The following MSR1 variants were observed in gnomAD, a reference collection of about 807,000 sequenced individuals.
The protein encoded by MSR1 is macrophage scavenger receptor 1, also known as macrophage scavenger receptor types I and II.
In MSR1, 53 loss-of-function variants were observed where a neutral mutation model predicts 47.2. The ratio of observed to expected loss-of-function variants is 1.12; its 90% confidence interval spans 0.90 to 1.41. The LOEUF (loss-of-function observed/expected upper bound fraction) is 1.41. Among genes scored for constraint, MSR1 ranks in the 40% most tolerant of loss-of-function variants. The pLI is 0.00. For missense variants in MSR1, 786 were observed against 546.9 expected (o/e 1.44, Z -4.36); for synonymous variants, 239 against 185.6 (o/e 1.29, Z -2.34).
At chr8:16,133,112 A>C (rs1258970421) in intron 8 of MSR1, among the ~76,000 whole-genome samples, 1 of 152,112 alleles carries the variant, frequency 6.6e-6, no homozygotes, top group African/African-American at 2.4e-5. Flanking sequence ...ATATGGGGAG[A>C]TTAAAACAGT....
chr8:16,153,769 G>C (rs931115383), intron 6 of MSR1, among the ~76,000 whole-genome samples: 1 of 151,970 alleles, frequency 6.6e-6, no homozygotes, highest in South Asian at 2.1e-4. Context: ...ATTGCAGCCT[G>C]TATGGAGGGG....
At chr8:16,131,453 T>G (rs1023550632) in intron 8 of MSR1, among the ~76,000 whole-genome samples, 22 of 148,236 alleles carry the variant, frequency 1.5e-4, no homozygotes, top group African/African-American at 5.2e-4. Context: ...TTTTTTTTTT[T>G]TTTTTTTTTT....
chr8:16,141,098 G>C (rs1308222798), intron 8 of MSR1: 2 of 1,601,582 alleles, frequency 1.2e-6, no homozygotes, highest in African/African-American at 1.3e-5. Context: ...TTTTCAGAAA[G>C]CCTTACAAAA....
chr8:16,140,261 A>C (rs4449796), intron 8 of MSR1: 1 of 983,556 alleles, frequency 1.0e-6, no homozygotes, highest in East Asian at 1.1e-4. Context: ...GTGCAATAGA[A>C]CAAGGCTCTG....
rs143937853 is a variant in MSR1, at chr8:16,139,853, A to G, written c.1033+3705T>C. 5.2e-3 allele frequency: 1,929 copies of G among 374,422 alleles called. 70 individuals are homozygous for G. The highest frequency in any genetic ancestry group is 0.048 in the African/African-American group (1,807 of 37,528). 23.2% of individuals were successfully genotyped at this position (374,422 alleles called of 1,614,324 possible). A position where few individuals can be genotyped will look rare whatever the true frequency, so the allele number is the denominator to read the frequency against. ...GTAATTTGGAAAATAAGAAGATGAG[A>G]AGGTAAAATAAGAATCAATTTTTAA... On this transcript the variant is annotated intron_variant, in intron 8 of 9. Transcript: ENST00000262101.
At chr8:16,140,968 GTAGCAGAGGA>G (rs760379320) in intron 8 of MSR1, 9 of 1,613,964 alleles carry the variant, frequency 5.6e-6, no homozygotes, top group Non-Finnish European at 4.2e-6. Flanking sequence ...TAATGAGATG[GTAGCAGAGGA>G]TGTCCCGCCC....
intron 8 of MSR1, among the ~76,000 whole-genome samples, chr8:16,136,225 G>A (rs1003686573): frequency 9.9e-5 from 15 of 152,084 alleles, no homozygotes; most frequent in Admixed American, 7.2e-4. Flanking sequence ...CTCCATCAAC[G>A]TGGCATATTT....
rs774285914 is a variant in MSR1, at chr8:16,155,150, A to G, written c.818-6T>C. ...ACCCGGGGGTCCAGGAGGACCTTTA[A>G]AAAAATTACAGTTACTGATCATAGT... On this transcript the variant is annotated splice_region_variant and splice_polypyrimidine_tract_variant and intron_variant, in intron 5 of 9. Coordinates refer to ENST00000262101, the MANE Select transcript of MSR1 (RefSeq NM_138715.3). 1.2e-6 allele frequency: 2 copies of G among 1,606,866 alleles called. No homozygotes were observed. The highest frequency in any genetic ancestry group is 3.4e-5 in the Admixed American group (2 of 59,698).
intron 6 of MSR1, among the ~76,000 whole-genome samples, chr8:16,150,527 T>C (rs1001780439): frequency 6.6e-6 from 1 of 152,032 alleles, no homozygotes; most frequent in Non-Finnish European, 1.5e-5. Context: ...AGCTATTCAA[T>C]AAATAACATA....
intron 4 of MSR1, 54 bp from the exon 5 acceptor site, chr8:16,164,305 T>C: frequency 6.6e-7 from 1 of 1,505,960 alleles, no homozygotes; most frequent in Non-Finnish European, 9.2e-7. Context: ...AATTATCAAA[T>C]ATGAAAGTTC....
At chr8:16,136,755 A>G (rs1283621541) in intron 8 of MSR1, among the ~76,000 whole-genome samples, 1 of 152,024 alleles carries the variant, frequency 6.6e-6, no homozygotes, top group African/African-American at 2.4e-5. Flanking sequence ...GGCATGCACA[A>G]CCACACCCAG....
At chr8:16,150,419 T>G in intron 6 of MSR1, 108 bp from the exon 7 acceptor site, 1 of 467,416 alleles carries the variant, frequency 2.1e-6, no homozygotes, top group Non-Finnish European at 3.6e-6. Context: ...TTAGAGAATC[T>G]TCAAATGAAG....
At chr8:16,131,900 G>A (rs550796681) in intron 8 of MSR1, among the ~76,000 whole-genome samples, 2 of 151,946 alleles carry the variant, frequency 1.3e-5, no homozygotes, top group African/African-American at 4.8e-5. Context: ...AGTATAGTTT[G>A]AAGTCAGGTA....
At chr8:16,175,875 G>C (rs1294283601) in intron 2 of MSR1, among the ~76,000 whole-genome samples, 5 of 152,036 alleles carry the variant, frequency 3.3e-5, no homozygotes, top group Middle Eastern at 3.2e-3. Context: ...CTAATCTTTA[G>C]AATGGATCAA....
chr8:16,130,198 A>C (rs943449133), intron 8 of MSR1, among the ~76,000 whole-genome samples: 1 of 152,172 alleles, frequency 6.6e-6, no homozygotes, highest in Non-Finnish European at 1.5e-5. Context: ...ACGACACAAC[A>C]TACAGGTATA....
chr8:16,136,740 C>G (rs1280407351), intron 8 of MSR1, among the ~76,000 whole-genome samples: 2 of 152,056 alleles, frequency 1.3e-5, no homozygotes, highest in Non-Finnish European at 1.5e-5. Flanking sequence ...GTATTTGGGA[C>G]TACAGGCATG....
At chr8:16,178,754 T>C (rs915145919) in intron 1 of MSR1, among the ~76,000 whole-genome samples, 4 of 152,130 alleles carry the variant, frequency 2.6e-5, no homozygotes, top group Non-Finnish European at 5.9e-5. Context: ...CTCCACATCC[T>C]CTCCAGCAGC....
At chr8:16,175,388 A>T in intron 2 of MSR1, 88 bp from the exon 3 acceptor site, 1 of 1,064,310 alleles carries the variant, frequency 9.4e-7, no homozygotes, top group Non-Finnish European at 1.4e-6. Flanking sequence ...TTATATTCTT[A>T]CTACCAAGCC....
At chr8:16,181,453 G>C (rs1801829533) in intron 1 of MSR1, among the ~76,000 whole-genome samples, 1 of 152,112 alleles carries the variant, frequency 6.6e-6, no homozygotes, top group African/African-American at 2.4e-5. Context: ...TATACACCAT[G>C]GAATACTATG....
Sources: gnomAD v4.1 joint callset for allele counts (sites outside exome capture counted in the v4.1 genomes callset) on GRCh38, gnomAD v4.1.1 for gene constraint, MANE v1.5 for transcripts, NCBI Gene and HGNC (gene_info 2026-07-23, HGNC 2026-07-21) for gene names.